The following ANP32A variants were observed in gnomAD, a reference collection of about 807,000 sequenced individuals.
The protein encoded by ANP32A is acidic leucine-rich nuclear phosphoprotein 32 family member A.
ANP32A carries 1 observed loss-of-function variant against 33.9 expected under a neutral mutation model. That is an observed-to-expected ratio of 0.03 (90% confidence interval 0.01 to 0.14). The LOEUF (loss-of-function observed/expected upper bound fraction) is 0.14, where lower values mean the gene tolerates loss of function less well. Among genes scored for constraint, ANP32A ranks in the 10% least tolerant of loss-of-function variants. The probability of loss-of-function intolerance (pLI) is 1.00; values close to 1 mark genes in which losing one functional copy is unlikely to be tolerated. For synonymous variants in ANP32A, 115 were observed against 120.5 expected (o/e 0.95, Z 0.30); for missense variants, 155 against 306.0 (o/e 0.51, Z 3.68).
At position 68,780,468 on chromosome 15, in the gene ANP32A, A is replaced by T; in HGVS notation, c.630T>A (p.Asp210Glu). The change falls in exon 6 of 7, where the codon GAT (aspartate) becomes GAA (glutamate). Residue 210 changes from aspartate to glutamate, a missense_variant. Physicochemically the swap from Asp to Glu is conservative, Grantham distance 45. Coordinates refer to ENST00000465139, the MANE Select transcript of ANP32A (RefSeq NM_006305.4). This position sits in a 1 kb window ranked among gnomAD's most constrained non-coding sequence, Gnocchi z 4.3. ...CCTCTCCATCGTTATAACCTTCTTC[A>T]TCCTCCTAGGAGAAAGGACAGACAC... ...EEDVSGEEEE[D>E]EEGYNDGEVD... The T allele has an allele frequency of 6.2e-7, 1 of 1,613,960 alleles. No individual in the cohort carries two copies. The highest frequency in any genetic ancestry group is 8.5e-7 in the Non-Finnish European group (1 of 1,179,876).
chr15:68,820,833 G>C lies in ANP32A; in HGVS notation c.-82C>G. ...CCCGAACCCACGGCCGCGCGTTTTA[G>C]GACTTTGAAGGCTCAACCAGCTCCG... On this transcript the variant is annotated 5_prime_UTR_variant, in exon 1 of 7. Coordinates refer to ENST00000465139, the MANE Select transcript of ANP32A (RefSeq NM_006305.4). 1 of 1,542,214 alleles carries C rather than the reference G, an allele frequency of 6.5e-7. No individual in the cohort carries two copies. Among genetic ancestry groups the C allele is most frequent in the Non-Finnish European group, 8.9e-7 (1 of 1,119,610 alleles).
intron 3 of ANP32A, 120 bp downstream of exon 3, chr15:68,787,293 G>T: frequency 2.2e-6 from 3 of 1,365,252 alleles, no homozygotes; most frequent in Non-Finnish European, 3.1e-6. Flanking sequence ...CTATCTCATA[G>T]CACATCATGA....
rs1893837227 is a variant in ANP32A at position 68,779,524 on chromosome 15, T to C, written c.*557A>G. ...GTGAAGGGGGAAAAGGGATGAGAGA[T>C]GGGGAATGTCCCCAGACCAGTGCCA... On this transcript the variant is annotated 3_prime_UTR_variant, in exon 7 of 7. Transcript: ENST00000465139. The C allele has an allele frequency of 6.6e-6, 1 of 152,476 alleles. No individual in the cohort carries two copies. The highest frequency in any genetic ancestry group is 1.5e-5 in the Non-Finnish European group (1 of 68,244). The allele number at this position is 152,476 out of a possible 1,614,324, so 9.4% of individuals were successfully genotyped here.
chr15:68,794,560 A>T (rs1262533232), intron 1 of ANP32A, among the ~76,000 whole-genome samples: 1 of 152,186 alleles, frequency 6.6e-6, no homozygotes, highest in Non-Finnish European at 1.5e-5. Flanking sequence ...GTGGGTTTTA[A>T]ATAGGTCAGC....
chr15:68,806,505 C>G (rs1028065489), intron 1 of ANP32A, among the ~76,000 whole-genome samples: 1 of 152,194 alleles, frequency 6.6e-6, no homozygotes, highest in Non-Finnish European at 1.5e-5. Context: ...CCCTGGAGGG[C>G]TCTCCTCTAG....
intron 1 of ANP32A, among the ~76,000 whole-genome samples, chr15:68,801,383 C>T (rs1328107256): frequency 3.3e-5 from 5 of 151,812 alleles, no homozygotes; most frequent in East Asian, 1.9e-4. Flanking sequence ...GAGAAGTAGT[C>T]GGAAGATCTG....
chr15:68,786,004 A>T (rs139293860), intron 3 of ANP32A, among the ~76,000 whole-genome samples: 785 of 152,298 alleles, frequency 5.2e-3, no homozygotes, highest in Non-Finnish European at 6.3e-3. Flanking sequence ...AATGCCATCG[A>T]TGGACAGGTA....
intron 1 of ANP32A, chr15:68,813,086 G>A (rs1192505007): frequency 1.3e-5 from 2 of 152,248 alleles, no homozygotes; most frequent in Non-Finnish European, 2.9e-5. Context: ...TAACAGTGGA[G>A]TAGTAAGTAA....
intron 1 of ANP32A, among the ~76,000 whole-genome samples, chr15:68,820,278 T>G (rs1003244280): frequency 2.0e-5 from 3 of 152,112 alleles, no homozygotes; most frequent in Non-Finnish European, 4.4e-5. Context: ...CTTTTTTTGT[T>G]GTTAAATCCA....
At chr15:68,782,810 G>A in intron 5 of ANP32A, 146 bp downstream of exon 5, 1 of 1,381,106 alleles carries the variant, frequency 7.2e-7, no homozygotes, top group Non-Finnish European at 9.6e-7. Context: ...CCCAGTGAAA[G>A]GCTCTGAAAT....
intron 1 of ANP32A, among the ~76,000 whole-genome samples, chr15:68,813,548 C>T (rs1894339286): frequency 6.6e-6 from 1 of 152,214 alleles, no homozygotes; most frequent in South Asian, 2.1e-4. Context: ...GTCCATGTTT[C>T]TCTACTTGAA....
At chr15:68,805,913 G>C (rs1052414847) in intron 1 of ANP32A, among the ~76,000 whole-genome samples, 1 of 152,184 alleles carries the variant, frequency 6.6e-6, no homozygotes, top group Non-Finnish European at 1.5e-5. Flanking sequence ...CAGCATAGGT[G>C]ATGTGTCTGT....
At chr15:68,810,921 G>A (rs138690521) in intron 1 of ANP32A, among the ~76,000 whole-genome samples, 6 of 152,120 alleles carry the variant, frequency 3.9e-5, no homozygotes, top group African/African-American at 1.2e-4. Context: ...TTATCCGGGC[G>A]TGGTGGTGGA....
chr15:68,812,110 T>C (rs972353805), intron 1 of ANP32A, among the ~76,000 whole-genome samples: 6 of 152,082 alleles, frequency 3.9e-5, no homozygotes, highest in African/African-American at 1.4e-4. Context: ...ACAGCTAACA[T>C]TTCTTGAGAG....
chr15:68,785,268 C>T (rs1893917564), intron 3 of ANP32A, among the ~76,000 whole-genome samples: 1 of 152,142 alleles, frequency 6.6e-6, no homozygotes, highest in Non-Finnish European at 1.5e-5. Context: ...TGGTATTTGA[C>T]ACGATGTGCT....
chr15:68,811,990 A>T (rs1234410315), intron 1 of ANP32A, among the ~76,000 whole-genome samples: 1 of 151,820 alleles, frequency 6.6e-6, no homozygotes, highest in Non-Finnish European at 1.5e-5. Flanking sequence ...TGGCCTCCCA[A>T]AGTGCTGGAA....
chr15:68,818,188 C>T (rs1318437732), intron 1 of ANP32A: 2 of 184,292 alleles, frequency 1.1e-5, no homozygotes, highest in Non-Finnish European at 1.2e-5. Flanking sequence ...CATTCCGAGC[C>T]CTGCGCCCCG....
intron 1 of ANP32A, among the ~76,000 whole-genome samples, chr15:68,815,224 T>G (rs921685): frequency 0.93 from 141,009 of 152,188 alleles, 65,902 homozygotes; most frequent in Non-Finnish European, 0.98. Flanking sequence ...ACTAGATCCC[T>G]GGGGCCCACC....
chr15:68,802,874 G>A (rs542966447), intron 1 of ANP32A, among the ~76,000 whole-genome samples: 13 of 152,100 alleles, frequency 8.5e-5, no homozygotes, highest in East Asian at 3.9e-4. Context: ...GGCTGGTCTC[G>A]AACTCCTGAC....
Sources: gnomAD v4.1 joint callset for allele counts (sites outside exome capture counted in the v4.1 genomes callset) on GRCh38, gnomAD v4.1.1 for gene constraint, Gnocchi (gnomAD v3.1) non-coding constraint, MANE v1.5 for transcripts, NCBI Gene and HGNC (gene_info 2026-07-23, HGNC 2026-07-21) for gene names.